HS3ST5: variants seen among roughly 807,000 people sequenced by gnomAD.
The protein encoded by HS3ST5 is heparan sulfate glucosamine 3-O-sulfotransferase 5.
Under a neutral mutation model 25.4 loss-of-function variants are expected in HS3ST5, and 10 were observed. The ratio of observed to expected loss-of-function variants is 0.39; its 90% CI spans 0.24 to 0.67. The LOEUF (loss-of-function observed/expected upper bound fraction) is 0.67. Among genes scored for constraint, HS3ST5 ranks in the 30% least tolerant of loss-of-function variants. The pLI is 0.44. For synonymous variants in HS3ST5, 170 were observed against 162.4 expected (o/e 1.05, Z -0.36); for missense variants, 324 against 420.7 (o/e 0.77, Z 2.01).
intron 3 of HS3ST5, among the ~76,000 whole-genome samples, chr6:114,137,929 C>T (rs1406018731): frequency 1.3e-5 from 2 of 151,968 alleles, no homozygotes; most frequent in Admixed American, 6.6e-5. Flanking sequence ...CAAATAGATC[C>T]ACTTATAAGT....
chr6:114,123,128 T>A (rs1184353964), intron 3 of HS3ST5, among the ~76,000 whole-genome samples: 1 of 152,174 alleles, frequency 6.6e-6, no homozygotes, highest in African/African-American at 2.4e-5. Context: ...TAATTTTGTA[T>A]TTTTAGTAGA....
chr6:114,136,297 A>G (rs1582640004), intron 3 of HS3ST5, among the ~76,000 whole-genome samples: 2 of 152,124 alleles, frequency 1.3e-5, no homozygotes, highest in Admixed American at 6.5e-5. Context: ...TGTTCTTGTG[A>G]TAGTGAATAA....
At chr6:114,326,009 A>G (rs2114897840) in intron 1 of HS3ST5, among the ~76,000 whole-genome samples, 1 of 152,302 alleles carries the variant, frequency 6.6e-6, no homozygotes, top group East Asian at 1.9e-4. Context: ...GGGAGAAATT[A>G]CAAGGAACTA....
chr6:114,084,193 AT>A, intron 3 of HS3ST5: 1 of 1,056,252 alleles, frequency 9.5e-7, no homozygotes, highest in Non-Finnish European at 1.4e-6. Context: ...GGTTGCTCCT[AT>A]CCATTCAGTG....
chr6:114,058,461 G>T (rs929951659), intron 4 of HS3ST5, among the ~76,000 whole-genome samples: 16 of 152,156 alleles, frequency 1.1e-4, no homozygotes, highest in African/African-American at 3.6e-4. Context: ...TCTGTTTGCA[G>T]TACAGGATAG....
chr6:114,214,879 G>A (rs1400768699), intron 2 of HS3ST5, among the ~76,000 whole-genome samples: 2 of 152,174 alleles, frequency 1.3e-5, no homozygotes, highest in African/African-American at 4.8e-5. Flanking sequence ...ATGACTTGCT[G>A]TTGGACCTCA....
At chr6:114,208,354 A>G (rs751198093) in intron 2 of HS3ST5, among the ~76,000 whole-genome samples, 3 of 152,180 alleles carry the variant, frequency 2.0e-5, no homozygotes, top group Non-Finnish European at 4.4e-5. Context: ...CATGCTTTCA[A>G]CATAGGCACT....
At chr6:114,300,034 T>C (rs1358700462) in intron 1 of HS3ST5, among the ~76,000 whole-genome samples, 1 of 151,854 alleles carries the variant, frequency 6.6e-6, no homozygotes, top group African/African-American at 2.4e-5. Flanking sequence ...AAAGGAAAAA[T>C]TATGCAAGTC....
chr6:114,211,770 A>C (rs1781519394), intron 2 of HS3ST5, among the ~76,000 whole-genome samples: 1 of 152,260 alleles, frequency 6.6e-6, no homozygotes, highest in Non-Finnish European at 1.5e-5. Flanking sequence ...TTGGCATAAC[A>C]GACTAAGCAA....
chr6:114,165,565 T>C (rs924088273), intron 3 of HS3ST5, among the ~76,000 whole-genome samples: 3 of 152,168 alleles, frequency 2.0e-5, no homozygotes, highest in South Asian at 4.1e-4. Flanking sequence ...AAATAAAATA[T>C]CTTGATCTTC....
chr6:114,325,976 G>T (rs941887834), intron 1 of HS3ST5, among the ~76,000 whole-genome samples: 15 of 152,174 alleles, frequency 9.9e-5, no homozygotes, highest in African/African-American at 3.4e-4. Context: ...CTTCAGTGGA[G>T]TTTACATTCT....
At chr6:114,266,998 T>G (rs1333418662) in intron 1 of HS3ST5, among the ~76,000 whole-genome samples, 2 of 152,218 alleles carry the variant, frequency 1.3e-5, no homozygotes, top group Non-Finnish European at 2.9e-5. Flanking sequence ...TGCATCTTAT[T>G]ATTGTCTTGC....
At chr6:114,174,824 C>T (rs1779649350) in intron 2 of HS3ST5, among the ~76,000 whole-genome samples, 1 of 152,010 alleles carries the variant, frequency 6.6e-6, no homozygotes, top group Non-Finnish European at 1.5e-5. Flanking sequence ...GAAACCCCAT[C>T]TCTACTAAAA....
chr6:114,142,065 C>G (rs554474234), intron 3 of HS3ST5, among the ~76,000 whole-genome samples: 6 of 152,010 alleles, frequency 3.9e-5, no homozygotes, highest in Admixed American at 1.3e-4. Flanking sequence ...TCCAGTTTGT[C>G]TCTCTTCTCT....
At chr6:114,168,795 C>T (rs550169919) in intron 2 of HS3ST5, among the ~76,000 whole-genome samples, 1 of 152,256 alleles carries the variant, frequency 6.6e-6, no homozygotes, top group South Asian at 2.1e-4. Context: ...TCTGATCTGG[C>T]TGCTGAGAAT....
At chr6:114,205,106 T>A (rs527792650) in intron 2 of HS3ST5, among the ~76,000 whole-genome samples, 207 of 152,190 alleles carry the variant, frequency 1.4e-3, no homozygotes, top group South Asian at 0.011. Context: ...TTCCAACAAT[T>A]TAATTCAATT....
rs377053547 is a variant in HS3ST5, at chr6:114,080,346, C to A, written c.-32-17469G>T. On this transcript the variant is annotated intron_variant, in intron 3 of 4. Coordinates refer to ENST00000312719, the MANE Select transcript of HS3ST5 (RefSeq NM_153612.4). The stretch of plus-strand genomic sequence containing the variant: ...GCTGTGAACAGATGTGATATTTACA[C>A]ATATGTTTAAAACGCTTTTTATTTA... Among the ~76,000 whole-genome samples, 5 of 152,280 alleles carry A rather than the reference C, an allele frequency of 3.3e-5. No homozygotes were observed. In the East Asian group the frequency reaches 7.7e-4, roughly 24 times the overall value.
At chr6:114,161,575 A>ATATATATATATAT (rs60732374) in intron 3 of HS3ST5, among the ~76,000 whole-genome samples, 33 of 107,808 alleles carry the variant, frequency 3.1e-4, no homozygotes, top group Non-Finnish European at 4.5e-4. Context: ...ATATATATAT[A>ATATATATATATAT]AAATGCAATG....
At chr6:114,303,803 C>G (rs1775182470) in intron 1 of HS3ST5, among the ~76,000 whole-genome samples, 1 of 152,106 alleles carries the variant, frequency 6.6e-6, no homozygotes. Flanking sequence ...AAAATATCTA[C>G]AAAATTAATC....
Sources: gnomAD v4.1 joint callset for allele counts (sites outside exome capture counted in the v4.1 genomes callset) on GRCh38, gnomAD v4.1.1 for gene constraint, MANE v1.5 for transcripts, NCBI Gene and HGNC (gene_info 2026-07-23, HGNC 2026-07-21) for gene names.